The following DENND3 variants were observed in gnomAD, a reference collection of about 807,000 sequenced individuals.
DENND3 encodes DENN domain-containing protein 3.
DENND3 carries 88 observed loss-of-function variants against 135.1 expected under a neutral mutation model. The observed-to-expected ratio is 0.65, with a 90% CI of 0.55 to 0.78. The LOEUF is 0.78. Among genes scored for constraint, DENND3 ranks in the 30% least tolerant of loss-of-function variants. DENND3 has a pLI of 0.00. For synonymous variants in DENND3, 693 were observed against 712.3 expected (o/e 0.97, Z 0.43); for missense variants, 1,392 against 1,688.4 (o/e 0.82, Z 3.08).
rs1168700554 is a variant in DENND3 at position 141,182,760 on chromosome 8, G to GGAGT, written c.2944+1907_2944+1910dup. Among the ~76,000 whole-genome samples the GGAGT allele has an allele frequency of 6.6e-6, 1 of 152,206 alleles. No homozygotes were observed. The highest frequency in any genetic ancestry group is 1.5e-5 in the Non-Finnish European group (1 of 68,036). On this transcript the variant is annotated intron_variant, in intron 17 of 22. Transcript: ENST00000519811. This position sits in a 1 kb window ranked among gnomAD's most constrained non-coding sequence, Gnocchi z 5.9. Reference sequence around the variant, plus strand: ...TGGGGTCAGGCCCCATCAAGAAGGGGGAGTCTTGTTATTCCCATTAGCTTG... The same window carrying GGAGT: ...TGGGGTCAGGCCCCATCAAGAAGGGGGAGTGAGTCTTGTTATTCCCATTAGCTTG...
intron 1 of DENND3, among the ~76,000 whole-genome samples, chr8:141,132,445 C>T (rs1234466278): frequency 6.6e-6 from 1 of 152,048 alleles, no homozygotes; most frequent in Non-Finnish European, 1.5e-5. Context: ...GCAACCTCTG[C>T]CTCCCAGGTT....
chr8:141,130,397 T>G lies in DENND3; in HGVS notation c.102+1588T>G, dbSNP rs115769298. Among the ~76,000 whole-genome samples, 521 of 152,140 alleles carry G rather than the reference T, an allele frequency of 3.4e-3. 1 individual carries two copies. Among genetic ancestry groups the G allele is most frequent in the African/African-American group, 0.012 (501 of 41,492 alleles). On this transcript the variant is annotated intron_variant, in intron 1 of 22. Coordinates refer to ENST00000519811, the MANE Select transcript of DENND3 (RefSeq NM_001352890.3). The surrounding 1 kb of genome is among the most constrained non-coding windows in gnomAD (Gnocchi z 4.2). The stretch of plus-strand genomic sequence containing the variant: ...TGGTGCATTCCTGAACTAAACACGC[T>G]GCAACATTTTCATGTTCCCAGGTCA...
At chr8:141,192,988 C>T (rs912515495) in intron 22 of DENND3, 40 of 1,048,218 alleles carry the variant, frequency 3.8e-5, no homozygotes, top group Middle Eastern at 2.5e-4. Context: ...CTCGGGGGCT[C>T]GGGGGGAGCG....
rs767064536 is a variant in DENND3 at position 141,168,402 on chromosome 8, G to A, written c.2152G>A (p.Val718Met). 2.5e-6 allele frequency: 4 copies of A among 1,613,926 alleles called. No individual in the cohort carries two copies. Among genetic ancestry groups the A allele is most frequent in the South Asian group, 1.1e-5 (1 of 91,084 alleles). ...CGAGGCCTCGAAGCTGGACGACCAC[G>A]TGAAGAAGTTCAAGCTGCCCAAGAA... Reference protein sequence around the residue: ...PHEASKLDDHVKKFKLPKKHM... With the variant: ...PHEASKLDDHMKKFKLPKKHM... Residue 718 changes from valine (V) to methionine (M), a missense_variant, in exon 13 of 23, where the codon GTG (valine) becomes ATG (methionine). Transcript: ENST00000519811. This position sits in a 1 kb window ranked among gnomAD's most constrained non-coding sequence, Gnocchi z 6.2.
chr8:141,192,174 C>T, intron 20 of DENND3, 157 bp from the exon 21 acceptor site: 2 of 940,472 alleles, frequency 2.1e-6, no homozygotes, highest in Non-Finnish European at 3.0e-6. Context: ...GCATTTTTTC[C>T]CAGTAGACCT....
intron 1 of DENND3, among the ~76,000 whole-genome samples, chr8:141,135,750 T>A (rs901710832): frequency 2.0e-5 from 3 of 152,152 alleles, no homozygotes; most frequent in Non-Finnish European, 4.4e-5. Flanking sequence ...TTGTATTATT[T>A]TAGGAAAGAA....
chr8:141,145,812 T>C (rs1817965694), intron 5 of DENND3, among the ~76,000 whole-genome samples: 1 of 21,700 alleles, frequency 4.6e-5, no homozygotes, highest in East Asian at 1.8e-3. Context: ...ATTATATATA[T>C]ATATATATAT....
chr8:141,166,252 C>T lies in DENND3; in HGVS notation c.1616C>T (p.Ser539Phe), dbSNP rs777669551. ...PTVEKRASRK[S>F]SHLHVTHRRM... is the part of the protein sequence containing the mutation. ...GTTGAGAAAAGAGCCTCCCGGAAGTCCTCGCACCTGCATGTCACCCACAGG... is the reference window on the plus strand; with the variant it reads ...GTTGAGAAAAGAGCCTCCCGGAAGTTCTCGCACCTGCATGTCACCCACAGG... The change falls in exon 12 of 23, where the codon TCC (serine) becomes TTC (phenylalanine). Residue 539 changes from serine (S) to phenylalanine (F), a missense_variant. Ser to Phe is a radical substitution (Grantham distance 155). Transcript: ENST00000519811. The surrounding 1 kb of genome is among the most constrained non-coding windows in gnomAD (Gnocchi z 4.3). 1 of 1,614,024 alleles carries T rather than the reference C, an allele frequency of 6.2e-7. No individual in the cohort carries two copies. The highest frequency in any genetic ancestry group is 1.3e-5 in the African/African-American group (1 of 74,930).
rs1816930040 is a variant in DENND3 at position 141,137,638 on chromosome 8, G to A, written c.386-384G>A. 6.6e-6 allele frequency among the ~76,000 whole-genome samples: 1 copy of A among 152,114 alleles called. No individual in the cohort carries two copies. Among genetic ancestry groups the A allele is most frequent in the Non-Finnish European group, 1.5e-5 (1 of 68,026 alleles). ...CATTTTGGGGCGTTATTTTTCCTGT[G>A]GTCTTCAGGAATGTTAAAATGGCCG... On this transcript the variant is annotated intron_variant, in intron 2 of 22. Coordinates refer to ENST00000519811, the MANE Select transcript of DENND3 (RefSeq NM_001352890.3). The surrounding 1 kb of genome is among the most constrained non-coding windows in gnomAD (Gnocchi z 4.1).
chr8:141,146,389 G>A lies in DENND3; in HGVS notation c.735+2130G>A, dbSNP rs1818144961. 6.6e-6 allele frequency among the ~76,000 whole-genome samples: 1 copy of A among 152,196 alleles called. No individual in the cohort carries two copies. The highest frequency in any genetic ancestry group is 1.5e-5 in the Non-Finnish European group (1 of 68,036). ...TCCCCTTTTGTTTGTTGAGAAACATGTCAGGTTGCTCAGCTATGTGAAGAA... is the reference window on the plus strand; with the variant it reads ...TCCCCTTTTGTTTGTTGAGAAACATATCAGGTTGCTCAGCTATGTGAAGAA... On this transcript the variant is annotated intron_variant, in intron 5 of 22. Transcript: ENST00000519811. This position sits in a 1 kb window ranked among gnomAD's most constrained non-coding sequence, Gnocchi z 4.3.
At chr8:141,183,417 GTA>G (rs1477342219) in intron 17 of DENND3, among the ~76,000 whole-genome samples, 7 of 131,690 alleles carry the variant, frequency 5.3e-5, no homozygotes, top group African/African-American at 2.4e-4. Context: ...GCCAATTTTT[GTA>G]TTTTTTTTTT....
At chr8:141,149,559 G>A (rs1208534779) in intron 5 of DENND3, among the ~76,000 whole-genome samples, 2 of 152,236 alleles carry the variant, frequency 1.3e-5, no homozygotes, top group Admixed American at 6.5e-5. Flanking sequence ...CAGGGTTGAG[G>A]GTGGACGGAG....
In DENND3 at chr8:141,151,611, C is replaced by T. The variant is rs200254442; in HGVS notation, c.856-8C>T. 1 of 1,613,264 alleles carries T rather than the reference C, an allele frequency of 6.2e-7. No individual in the cohort carries two copies. Among genetic ancestry groups the T allele is most frequent in the Non-Finnish European group, 8.5e-7 (1 of 1,179,476 alleles). On this transcript the variant is annotated splice_region_variant and splice_polypyrimidine_tract_variant and intron_variant, in intron 6 of 22. Transcript: ENST00000519811. The stretch of plus-strand genomic sequence containing the variant: ...GCATGTACTCAGTGCGGCGGGTTCT[C>T]CCCTCAGATCCTGACATGCATCCTG...
At chr8:141,162,135 T>C (rs1820212986) in intron 9 of DENND3, among the ~76,000 whole-genome samples, 1 of 152,156 alleles carries the variant, frequency 6.6e-6, no homozygotes, top group South Asian at 2.1e-4. Context: ...TGTATTTGTT[T>C]GCATAAAGCG....
Position 141,137,925 on chromosome 8 carries a change from T to G in DENND3, c.386-97T>G. On this transcript the variant is annotated intron_variant, in intron 2 of 22. Transcript: ENST00000519811. This position sits in a 1 kb window ranked among gnomAD's most constrained non-coding sequence, Gnocchi z 4.1. ...ATGAAGGCACCACCACTGCTAACTG[T>G]GGAGGTGTGTCCTAAACACTGTGAA... 8.1e-7 allele frequency: 1 copy of G among 1,236,452 alleles called. No homozygotes were observed. Among genetic ancestry groups the G allele is most frequent in the Non-Finnish European group, 1.1e-6 (1 of 878,040 alleles). The allele number at this position is 1,236,452 out of a possible 1,614,324, so 76.6% of individuals were successfully genotyped here.
chr8:141,163,479 CT>C, intron 10 of DENND3, 50 bp downstream of exon 10: 1 of 1,215,316 alleles, frequency 8.2e-7, no homozygotes, highest in Non-Finnish European at 1.2e-6. Context: ...ATCCATTATC[CT>C]TTTCTGTATT....
chr8:141,171,624 G>A (rs955251195), intron 13 of DENND3, among the ~76,000 whole-genome samples: 2 of 152,374 alleles, frequency 1.3e-5, no homozygotes, highest in East Asian at 3.8e-4. Context: ...CAACAACTGC[G>A]TGCATGACAG....
In DENND3 at chr8:141,182,384, C is replaced by A; in HGVS notation, c.2944+1530C>A. On this transcript the variant is annotated intron_variant, in intron 17 of 22. Transcript: ENST00000519811. The surrounding 1 kb of genome is among the most constrained non-coding windows in gnomAD (Gnocchi z 5.9). ...GAGCAGGCAGCGTCATCAGGGCCGC[C>A]CCGCGTGAGCCCTACCTGATGTGTC... 1 of 985,468 alleles carries A rather than the reference C, an allele frequency of 1.0e-6. No individual in the cohort carries two copies. Among genetic ancestry groups the A allele is most frequent in the Non-Finnish European group, 1.2e-6 (1 of 829,944 alleles). 61.0% of individuals were successfully genotyped at this position (985,468 alleles called of 1,614,324 possible).
intron 13 of DENND3, among the ~76,000 whole-genome samples, chr8:141,169,217 G>A (rs1316988917): frequency 1.3e-5 from 2 of 152,242 alleles, no homozygotes; most frequent in African/African-American, 2.4e-5. Context: ...GAGGTAAGCC[G>A]CCAGCAGGTG....
Sources: gnomAD v4.1 joint callset for allele counts (sites outside exome capture counted in the v4.1 genomes callset) on GRCh38, gnomAD v4.1.1 for gene constraint, Gnocchi (gnomAD v3.1) non-coding constraint, MANE v1.5 for transcripts, NCBI Gene and HGNC (gene_info 2026-07-23, HGNC 2026-07-21) for gene names.